The following CPA6 variants were observed in gnomAD, a reference collection of about 807,000 sequenced individuals.
The protein encoded by CPA6 is carboxypeptidase B.
In CPA6, 58 loss-of-function variants were observed where a neutral mutation model predicts 63.3. The observed-to-expected ratio is 0.92, with a 90% CI of 0.74 to 1.14. The LOEUF (loss-of-function observed/expected upper bound fraction) is 1.14, where lower values mean the gene tolerates loss of function less well. Among genes scored for constraint, CPA6 ranks in the 50% most tolerant of loss-of-function variants. The probability of loss-of-function intolerance (pLI) is 0.00; values close to 1 mark genes in which losing one functional copy is unlikely to be tolerated. For missense variants in CPA6, 565 were observed against 526.6 expected, an observed-to-expected ratio of 1.07 and a Z score of -0.71; for synonymous variants, 185 against 179.0, an observed-to-expected ratio of 1.03 and a Z score of -0.27.
chr8:67,661,101 G>GA (rs1291507940), intron 1 of CPA6, among the ~76,000 whole-genome samples: 1 of 152,192 alleles, frequency 6.6e-6, no homozygotes, highest in Non-Finnish European at 1.5e-5. Flanking sequence ...TATACAGAGT[G>GA]AAAGATGATG....
At chr8:67,556,310 A>C (rs988732158) in intron 2 of CPA6, among the ~76,000 whole-genome samples, 2 of 152,132 alleles carry the variant, frequency 1.3e-5, no homozygotes, top group African/African-American at 4.8e-5. Context: ...GGGCTTGAGG[A>C]GGGGAGAGGA....
intron 2 of CPA6, among the ~76,000 whole-genome samples, chr8:67,621,150 A>G (rs1318875591): frequency 6.6e-6 from 1 of 152,210 alleles, no homozygotes; most frequent in Non-Finnish European, 1.5e-5. Context: ...GATGGAATTG[A>G]GCACATCCTG....
chr8:67,718,855 T>C (rs1418876597), intron 1 of CPA6, among the ~76,000 whole-genome samples: 3 of 151,888 alleles, frequency 2.0e-5, no homozygotes, highest in South Asian at 2.1e-4. Context: ...CCATGTTGGC[T>C]AGGATGGTCT....
chr8:67,607,178 T>G (rs200056565), intron 2 of CPA6, among the ~76,000 whole-genome samples: 1 of 11,164 alleles, frequency 9.0e-5, no homozygotes, highest in Non-Finnish European at 1.6e-4. Context: ...CCTCTTCTTC[T>G]TCTTCTTCTT....
chr8:67,498,595 C>A (rs1243972820), intron 6 of CPA6, among the ~76,000 whole-genome samples: 1 of 150,180 alleles, frequency 6.7e-6, no homozygotes, highest in Admixed American at 6.7e-5. Flanking sequence ...TCTTAAAACT[C>A]CTTTTTAATT....
intron 2 of CPA6, among the ~76,000 whole-genome samples, chr8:67,607,186 CTT>C (rs1814674529): frequency 2.9e-5 from 1 of 34,626 alleles, no homozygotes; most frequent in African/African-American, 1.2e-4. Context: ...TCTTCTTCTT[CTT>C]CTTCTTCTTC....
intron 8 of CPA6, among the ~76,000 whole-genome samples, chr8:67,467,914 C>G (rs139839979): frequency 3.0e-4 from 44 of 144,376 alleles, no homozygotes; most frequent in African/African-American, 1.1e-3. Flanking sequence ...AAAAATTAGC[C>G]AGGTGTGGTG....
In CPA6 at chr8:67,724,753, C is replaced by T. The variant is rs367883366; in HGVS notation, c.116+21261G>A. 8.5e-5 allele frequency among the ~76,000 whole-genome samples: 13 copies of T among 152,312 alleles called. No homozygotes were observed. In the East Asian group the frequency reaches 2.1e-3, roughly 25 times the overall value. On this transcript the variant is annotated intron_variant, in intron 1 of 10. Transcript: ENST00000297770. ...ACAATTAAAAATAATCAGTAAGCAA[C>T]GGGAGCAATCATGTACCCCTTACTT...
chr8:67,625,213 G>A (rs1479841629), intron 1 of CPA6, among the ~76,000 whole-genome samples: 2 of 152,086 alleles, frequency 1.3e-5, no homozygotes, highest in African/African-American at 2.4e-5. Context: ...TTCTGAGGAA[G>A]GAACTCAGAT....
chr8:67,644,173 CA>C, intron 1 of CPA6, among the ~76,000 whole-genome samples: 1 of 151,320 alleles, frequency 6.6e-6, no homozygotes, highest in Non-Finnish European at 1.5e-5. Flanking sequence ...GGCTGGAGTG[CA>C]GTGGCGCCAT....
intron 1 of CPA6, among the ~76,000 whole-genome samples, chr8:67,703,523 G>A (rs76949677): frequency 0.023 from 3,573 of 152,272 alleles, 167 homozygotes; most frequent in African/African-American, 0.082. Flanking sequence ...CTGCCAGATC[G>A]TCTGCCTTGG....
intron 6 of CPA6, among the ~76,000 whole-genome samples, chr8:67,492,288 T>G (rs932227947): frequency 1.3e-5 from 2 of 152,160 alleles, no homozygotes; most frequent in Non-Finnish European, 2.9e-5. Context: ...CTGGCAACAC[T>G]TCACATTAAA....
chr8:67,537,541 C>G (rs1397424320), intron 2 of CPA6, among the ~76,000 whole-genome samples: 1 of 152,046 alleles, frequency 6.6e-6, no homozygotes, highest in Admixed American at 6.6e-5. Flanking sequence ...GTGGTGATAT[C>G]CCCTTTGTCA....
At chr8:67,538,512 G>GTTTTTTTTTTT (rs139665944) in intron 2 of CPA6, among the ~76,000 whole-genome samples, 17 of 90,788 alleles carry the variant, frequency 1.9e-4, no homozygotes, top group Admixed American at 5.1e-4. Flanking sequence ...TGCAACCCCT[G>GTTTTTTTTTTT]TTTTTTTTTT....
At chr8:67,616,501 ATGTGTGTG>A (rs4009134) in intron 2 of CPA6, among the ~76,000 whole-genome samples, 23,989 of 126,868 alleles carry the variant, frequency 0.19, 2,275 homozygotes, top group Middle Eastern at 0.3. Context: ...GGCAAATTGA[ATGTGTGTG>A]TGTGTGTGTG....
chr8:67,692,340 A>G (rs1816830771), intron 1 of CPA6, among the ~76,000 whole-genome samples: 1 of 151,806 alleles, frequency 6.6e-6, no homozygotes, highest in Admixed American at 6.6e-5. Context: ...AAAAAAAAAA[A>G]AAAAAAAAAA....
chr8:67,659,341 G>T (rs947218992), intron 1 of CPA6, among the ~76,000 whole-genome samples: 6 of 152,198 alleles, frequency 3.9e-5, no homozygotes, highest in Admixed American at 1.3e-4. Context: ...TACAGAAATT[G>T]CTAATTAAGA....
At chr8:67,442,894 G>C (rs1279788721) in intron 8 of CPA6, among the ~76,000 whole-genome samples, 2 of 152,148 alleles carry the variant, frequency 1.3e-5, no homozygotes, top group Non-Finnish European at 2.9e-5. Context: ...ATTCTTGCCA[G>C]ATGCAGGTAT....
At chr8:67,542,872 A>T (rs2128971190) in intron 2 of CPA6, among the ~76,000 whole-genome samples, 1 of 152,266 alleles carries the variant, frequency 6.6e-6, no homozygotes, top group South Asian at 2.1e-4. Context: ...ATCTTTCTGA[A>T]TATTGTCCTT....
Sources: allele counts gnomAD v4.1 joint callset (sites outside exome capture counted in the v4.1 genomes callset), GRCh38; gene constraint gnomAD v4.1.1; transcripts MANE v1.5; gene names NCBI Gene and HGNC (gene_info 2026-07-23, HGNC 2026-07-21).